The following SLC39A6 variants were observed in gnomAD, a reference collection of about 807,000 sequenced individuals.
The protein encoded by SLC39A6 is solute carrier family 39 member 6, also known as zinc transporter ZIP6.
In SLC39A6, 51 loss-of-function variants were observed where a neutral mutation model predicts 63.5. The ratio of observed to expected loss-of-function variants is 0.80; its 90% CI spans 0.64 to 1.01. The LOEUF (loss-of-function observed/expected upper bound fraction) is 1.01. Ranked by LOEUF, SLC39A6 falls within the 50% of genes least tolerant of loss-of-function variation. The pLI is 0.00. For synonymous variants in SLC39A6, 318 were observed against 324.7 expected (o/e 0.98, Z 0.22); for missense variants, 805 against 927.8 (o/e 0.87, Z 1.72).
chr18:36,113,689 T>C (rs2089320383), intron 7 of SLC39A6, among the ~76,000 whole-genome samples: 1 of 152,250 alleles, frequency 6.6e-6, no homozygotes, highest in Non-Finnish European at 1.5e-5. Context: ...GTAACTGGAC[T>C]TAGATGTATG....
At chr18:36,116,013 T>G (rs867355394) in intron 6 of SLC39A6, among the ~76,000 whole-genome samples, 1 of 152,170 alleles carries the variant, frequency 6.6e-6, no homozygotes. Context: ...AACCTAATCA[T>G]GCAAAAATAC....
chr18:36,123,034 T>C (rs539733635), intron 4 of SLC39A6, among the ~76,000 whole-genome samples: 1 of 152,250 alleles, frequency 6.6e-6, no homozygotes, highest in Non-Finnish European at 1.5e-5. Context: ...AAATATCTGA[T>C]GGAAAAGTAA....
intron 1 of SLC39A6, among the ~76,000 whole-genome samples, chr18:36,127,556 T>C (rs2089450061): frequency 1.3e-5 from 2 of 151,454 alleles, no homozygotes; most frequent in African/African-American, 4.8e-5. Context: ...ATCATCACCA[T>C]CATTTCATAA....
intron 8 of SLC39A6, 30 bp downstream of exon 8, chr18:36,112,471 T>C: frequency 6.5e-7 from 1 of 1,534,496 alleles, no homozygotes; most frequent in Non-Finnish European, 9.0e-7. Context: ...TTCACCCACT[T>C]GGCAAATACA....
In SLC39A6 at chr18:36,122,276, G is replaced by A. The variant is rs778880247; in HGVS notation, c.1141-6C>T. On this transcript the variant is annotated splice_region_variant and splice_polypyrimidine_tract_variant and intron_variant, in intron 4 of 9. Transcript: ENST00000269187. Reference sequence around the variant, plus strand: ...TGGTGGTGACTTGCATGAGACTGAAGGCAAAATAATTTGTTATTTATAAAT... The same window carrying A: ...TGGTGGTGACTTGCATGAGACTGAAAGCAAAATAATTTGTTATTTATAAAT... 6.3e-7 allele frequency: 1 copy of A among 1,590,938 alleles called. No individual in the cohort carries two copies. The highest frequency in any genetic ancestry group is 8.6e-7 in the Non-Finnish European group (1 of 1,166,478).
At position 36,109,384 on chromosome 18, in the gene SLC39A6, T is replaced by C. The variant is rs929653122; in HGVS notation, c.*209A>G. 1.8e-5 allele frequency: 7 copies of C among 391,124 alleles called. No homozygotes were observed. Among genetic ancestry groups the C allele is most frequent in the Middle Eastern group, 6.8e-4 (1 of 1,470 alleles). 24.2% of individuals were successfully genotyped at this position (391,124 alleles called of 1,614,324 possible). A position where few individuals can be genotyped will look rare whatever the true frequency, so the allele number is the denominator to read the frequency against. ...ATAATAAACTGGTAATACCGGTGAA[T>C]TGCACATACAGATTTTATCTCCAAG... On this transcript the variant is annotated 3_prime_UTR_variant, in exon 10 of 10. Transcript: ENST00000269187.
chr18:36,128,654 C>G (rs938249926), intron 1 of SLC39A6, among the ~76,000 whole-genome samples: 1 of 152,106 alleles, frequency 6.6e-6, no homozygotes, highest in Non-Finnish European at 1.5e-5. Flanking sequence ...CAGCTCCGAG[C>G]CTTTCTCCAG....
intron 2 of SLC39A6, 52 bp from the exon 3 acceptor site, chr18:36,124,752 G>A (rs1202967706): frequency 7.7e-7 from 1 of 1,304,660 alleles, no homozygotes; most frequent in Non-Finnish European, 1.0e-6. Flanking sequence ...CATTAGAGTA[G>A]TCTGATGACA....
At chr18:36,114,019 C>A (rs980801473) in intron 7 of SLC39A6, 78 bp downstream of exon 7, 2 of 1,491,318 alleles carry the variant, frequency 1.3e-6, no homozygotes, top group African/African-American at 1.4e-5. Context: ...CTAATCTATT[C>A]TTTGTTAAAA....
chr18:36,126,632 G>A lies in SLC39A6; in HGVS notation c.376C>T (p.His126Tyr). 1 of 1,613,512 alleles carries A rather than the reference G, an allele frequency of 6.2e-7. No homozygotes were observed. The highest frequency in any genetic ancestry group is 8.5e-7 in the Non-Finnish European group (1 of 1,179,480). Residue 126 changes from histidine to tyrosine, a missense_variant, in exon 2 of 10, where the codon CAT (histidine) becomes TAT (tyrosine). His to Tyr is a moderately conservative substitution (Grantham distance 83). Transcript: ENST00000269187. The part of the protein sequence containing the change: ...HHSEHEHHSD[H>Y]DHHSHHNHAA... Reference sequence around the variant, plus strand: ...TGATTATGGTGAGAGTGATGATCATGGTCAGAGTGATGCTCGTGCTCTGAG... The same window carrying A: ...TGATTATGGTGAGAGTGATGATCATAGTCAGAGTGATGCTCGTGCTCTGAG...
Position 36,123,502 on chromosome 18 carries a change from A to G in SLC39A6, c.1133T>C (p.Leu378Pro), listed in dbSNP as rs2089410805. 1 of 1,609,604 alleles carries G rather than the reference A, an allele frequency of 6.2e-7. No individual in the cohort carries two copies. The highest frequency in any genetic ancestry group is 8.5e-7 in the Non-Finnish European group (1 of 1,178,788). The change falls in exon 4 of 10, where the codon CTT becomes CCT. Residue 378 changes from leucine (L) to proline (P), a missense_variant. Around this residue, in one of 4 missense-constraint regions of SLC39A6, gnomAD observed 639 missense variants for 644.0 expected, o/e 0.99. Transcript: ENST00000269187. ...TLSGDAFLHLLPHSHASHHHS... is the reference protein window; with the variant it reads ...TLSGDAFLHLPPHSHASHHHS... ...ACAAATTACTATACTTACATGTGGA[A>G]GAAGGTGTAAAAAAGCATCACCACT...
At chr18:36,128,718 T>C (rs2089477784) in intron 1 of SLC39A6, among the ~76,000 whole-genome samples, 1 of 152,070 alleles carries the variant, frequency 6.6e-6, no homozygotes, top group African/African-American at 2.4e-5. Flanking sequence ...TTCCTGCAAG[T>C]TGGTGTGTGC....
intron 5 of SLC39A6, among the ~76,000 whole-genome samples, chr18:36,118,288 A>C (rs1262251157): frequency 1.3e-5 from 2 of 152,212 alleles, no homozygotes; most frequent in African/African-American, 2.4e-5. Context: ...AATAAGCCCC[A>C]CAGTCTCTGT....
Position 36,111,400 on chromosome 18 carries a change from G to A in SLC39A6, c.1925-151C>T, listed in dbSNP as rs562505570. 2.0e-5 allele frequency: 13 copies of A among 652,334 alleles called. No homozygotes were observed. The South Asian group carries it at 2.1e-4, about 11-fold the overall frequency. 40.4% of individuals were successfully genotyped at this position (652,334 alleles called of 1,614,324 possible). A position where few individuals can be genotyped will look rare whatever the true frequency, so the allele number is the denominator to read the frequency against. On this transcript the variant is annotated intron_variant, in intron 8 of 9. Coordinates refer to ENST00000269187, the MANE Select transcript of SLC39A6 (RefSeq NM_012319.4). ...TTAAGAATGACCTAGGGTTAAAGCA[G>A]TGTTAGTAAATCACCCTAACAGCTG...
rs1370954217 is a variant in SLC39A6 at position 36,121,152 on chromosome 18, TTTTC to T, written c.1359+896_1359+899del. On this transcript the variant is annotated intron_variant, in intron 5 of 9. Transcript: ENST00000269187. ...TTGAGATATGAACACATCACTTTTC[TTTTC>T]TTTTTTTTTTTTTATTTTTTGAGAC... Among the ~76,000 whole-genome samples the T allele has an allele frequency of 5.1e-4, 74 of 145,798 alleles. No individual in the cohort carries two copies. In the East Asian group the frequency reaches 8.7e-3, roughly 17 times the overall value.
intron 9 of SLC39A6, among the ~76,000 whole-genome samples, chr18:36,110,043 C>T (rs913701294): frequency 3.6e-4 from 55 of 152,134 alleles, no homozygotes; most frequent in African/African-American, 1.2e-3. Context: ...CAGTTACTGG[C>T]TGCATATCTG....
chr18:36,120,411 C>G (rs1306449594), intron 5 of SLC39A6, among the ~76,000 whole-genome samples: 1 of 152,066 alleles, frequency 6.6e-6, no homozygotes, highest in African/African-American at 2.4e-5. Context: ...ATATTTAGGT[C>G]CACTAAAGAG....
In SLC39A6 at chr18:36,109,547, T is replaced by C. The variant is rs771021424; in HGVS notation, c.*46A>G. ...ACAAACTCATCTCCCTATGACCTACTGAAACTATGACAACTTTTTAAGCTA... is the reference window on the plus strand; with the variant it reads ...ACAAACTCATCTCCCTATGACCTACCGAAACTATGACAACTTTTTAAGCTA... On this transcript the variant is annotated 3_prime_UTR_variant, in exon 10 of 10. Coordinates refer to ENST00000269187, the MANE Select transcript of SLC39A6 (RefSeq NM_012319.4). 1 of 1,507,442 alleles carries C rather than the reference T, an allele frequency of 6.6e-7. No homozygotes were observed. The highest frequency in any genetic ancestry group is 9.2e-7 in the Non-Finnish European group (1 of 1,092,706). 93.4% of individuals were successfully genotyped at this position (1,507,442 alleles called of 1,614,324 possible).
intron 1 of SLC39A6, among the ~76,000 whole-genome samples, chr18:36,127,892 C>T (rs775895533): frequency 1.3e-5 from 2 of 151,314 alleles, no homozygotes; most frequent in South Asian, 4.2e-4. Flanking sequence ...GGATTACAGG[C>T]GTGACCACTA....
Sources: allele counts gnomAD v4.1 joint callset (sites outside exome capture counted in the v4.1 genomes callset), GRCh38; gene constraint gnomAD v4.1.1; regional missense constraint gnomAD v4.1.1; transcripts MANE v1.5; gene names NCBI Gene and HGNC (gene_info 2026-07-23, HGNC 2026-07-21).